Variants in SP4 observed in about 807,000 individuals in gnomAD.
SP4 encodes the protein Sp4 transcription factor, also known as transcription factor Sp4.
In SP4, 19 loss-of-function variants were observed where a neutral mutation model predicts 72.8. The ratio of observed to expected loss-of-function variants is 0.26; its 90% CI spans 0.18 to 0.38. The LOEUF (loss-of-function observed/expected upper bound fraction) is 0.38, where lower values mean the gene tolerates loss of function less well. Ranked by LOEUF, SP4 falls within the 10% of genes least tolerant of loss-of-function variation. SP4 has a pLI of 1.00. For synonymous variants in SP4, 395 were observed against 333.1 expected, an observed-to-expected ratio of 1.19 and a Z score of -2.02; for missense variants, 1,008 against 926.3, an observed-to-expected ratio of 1.09 and a Z score of -1.14.
At chr7:21,428,646 C>CGT (rs766823627) in intron 1 of SP4, 31 bp from the exon 2 acceptor site, 31 of 1,510,884 alleles carry the variant, frequency 2.1e-5, no homozygotes, top group South Asian at 4.9e-5. Flanking sequence ...AACCTGTTGT[C>CGT]GTGTGTGTGT....
chr7:21,511,554 A>C lies in SP4; in HGVS notation c.*285A>C. The C allele has an allele frequency of 3.3e-6, 1 of 304,648 alleles. No individual in the cohort carries two copies. The highest frequency in any genetic ancestry group is 6.1e-6 in the Non-Finnish European group (1 of 162,980). 18.9% of individuals were successfully genotyped at this position (304,648 alleles called of 1,614,324 possible). Reference sequence around the variant, plus strand: ...TTATACAGAATCTTCCCATCTCTTAATATCATGTGTTAACATGTTTAAAAA... The same window carrying C: ...TTATACAGAATCTTCCCATCTCTTACTATCATGTGTTAACATGTTTAAAAA... On this transcript the variant is annotated 3_prime_UTR_variant, in exon 6 of 6. Coordinates refer to ENST00000222584, the MANE Select transcript of SP4 (RefSeq NM_003112.5).
At chr7:21,472,842 G>A (rs940481281) in intron 3 of SP4, among the ~76,000 whole-genome samples, 1 of 152,010 alleles carries the variant, frequency 6.6e-6, no homozygotes, top group Non-Finnish European at 1.5e-5. Context: ...TTTCTGAAAT[G>A]TAGGAAGTTA....
chr7:21,470,025 C>T (rs867463599), intron 3 of SP4, among the ~76,000 whole-genome samples: 1 of 152,084 alleles, frequency 6.6e-6, no homozygotes, highest in Non-Finnish European at 1.5e-5. Flanking sequence ...GATCTGACTG[C>T]CATATCAGTG....
rs1782201961 is a variant in SP4, at chr7:21,513,682, A to G, written c.*2413A>G. 1 of 152,224 alleles carries G rather than the reference A, an allele frequency of 6.6e-6. No individual in the cohort carries two copies. Among genetic ancestry groups the G allele is most frequent in the Non-Finnish European group, 1.5e-5 (1 of 68,022 alleles). 9.4% of individuals were successfully genotyped at this position (152,224 alleles called of 1,614,324 possible). ...ATACCAAGTATGAACACTCTGCATC[A>G]TTATTCCATGAACCAGTTCTAATGC... On this transcript the variant is annotated 3_prime_UTR_variant, in exon 6 of 6. Transcript: ENST00000222584.
At chr7:21,438,046 C>T (rs1228088386) in intron 3 of SP4, among the ~76,000 whole-genome samples, 1 of 148,866 alleles carries the variant, frequency 6.7e-6, no homozygotes, top group African/African-American at 2.5e-5. Context: ...TTTTGTTTGG[C>T]CCTGGAAAAA....
chr7:21,429,570 A>T lies in SP4; in HGVS notation c.405A>T (p.Ala135=). The change falls in exon 3 of 6, where the codon GCA becomes GCT. Residue 135 remains alanine (A), a synonymous_variant. Transcript: ENST00000222584. ...CTTCCAGCAGTAATAACGGGAGTGC[A>T]TCTCCTACAAAAACTAAATCAGGTA... ...SSSSSSNNGS[A]SPTKTKSGNS... is the part of the protein sequence containing the mutation. 6.2e-7 allele frequency: 1 copy of T among 1,614,204 alleles called. No homozygotes were observed. The highest frequency in any genetic ancestry group is 8.5e-7 in the Non-Finnish European group (1 of 1,180,024).
chr7:21,447,849 A>G (rs550307696), intron 3 of SP4, among the ~76,000 whole-genome samples: 1 of 152,236 alleles, frequency 6.6e-6, no homozygotes, highest in South Asian at 2.1e-4. Flanking sequence ...ACACCCGGCT[A>G]ATTTTTGTAT....
chr7:21,487,229 A>G (rs1403630508), intron 5 of SP4, among the ~76,000 whole-genome samples: 3 of 151,916 alleles, frequency 2.0e-5, no homozygotes, highest in South Asian at 4.2e-4. Context: ...TTTTAACGCT[A>G]AGGGCGCCTT....
chr7:21,477,344 G>T, intron 4 of SP4, 37 bp downstream of exon 4: 1 of 1,405,186 alleles, frequency 7.1e-7, no homozygotes, highest in Middle Eastern at 1.8e-4. Flanking sequence ...CTATTTGGAA[G>T]GCATAAAACA....
chr7:21,509,454 GTTATAGAAATA>G (rs1239286547), intron 5 of SP4, among the ~76,000 whole-genome samples: 4 of 136,160 alleles, frequency 2.9e-5, no homozygotes, highest in African/African-American at 1.1e-4. Context: ...CAAACTCTAG[GTTATAGAAATA>G]TTTTCCTTTT....
chr7:21,477,271 C>T lies in SP4; in HGVS notation c.1871C>T (p.Ala624Val). 1.2e-6 allele frequency: 2 copies of T among 1,613,794 alleles called. No individual in the cohort carries two copies. The highest frequency in any genetic ancestry group is 8.5e-7 in the Non-Finnish European group (1 of 1,179,748). Reference sequence around the variant, plus strand: ...CCTGGCAAGAGGCTTCGAAGAGTTGCCTGTTCCTGTCCTAATTGTAGGGAA... The same window carrying T: ...CCTGGCAAGAGGCTTCGAAGAGTTGTCTGTTCCTGTCCTAATTGTAGGGAA... ...VQPGKRLRRVACSCPNCREGE... is the reference protein window; with the variant it reads ...VQPGKRLRRVVCSCPNCREGE... The change falls in exon 4 of 6, where the codon GCC becomes GTC. Residue 624 changes from alanine (A) to valine (V), a missense_variant. Ala to Val is a moderately conservative substitution (Grantham distance 64). Coordinates refer to ENST00000222584, the MANE Select transcript of SP4 (RefSeq NM_003112.5).
intron 3 of SP4, among the ~76,000 whole-genome samples, chr7:21,435,229 T>G (rs1783009873): frequency 6.6e-6 from 1 of 152,172 alleles, no homozygotes; most frequent in South Asian, 2.1e-4. Flanking sequence ...TTATGCTGGT[T>G]CTCCCACAGA....
rs924309234 is a variant in SP4 at position 21,428,820 on chromosome 7, A to G, written c.123+28A>G. ...AAAAGCAAACAAATTAAAAAAATTCATCACGACACATTAGGAGAGAGAGGG... is the reference window on the plus strand; with the variant it reads ...AAAAGCAAACAAATTAAAAAAATTCGTCACGACACATTAGGAGAGAGAGGG... On this transcript the variant is annotated intron_variant, in intron 2 of 5. Transcript: ENST00000222584. The G allele has an allele frequency of 9.9e-6, 15 of 1,513,520 alleles. No individual in the cohort carries two copies. The African/African-American group carries it at 2.0e-4, about 20-fold the overall frequency. 93.8% of individuals were successfully genotyped at this position (1,513,520 alleles called of 1,614,324 possible). A position where few individuals can be genotyped will look rare whatever the true frequency, so the allele number is the denominator to read the frequency against.
intron 2 of SP4, 37 bp from the exon 3 acceptor site, chr7:21,429,252 C>G: frequency 3.6e-4 from 22 of 60,858 alleles, no homozygotes; most frequent in Non-Finnish European, 5.3e-4. Context: ...CACTTTTTTT[C>G]CCCCCCCCCT....
chr7:21,442,447 T>C (rs1262267081), intron 3 of SP4, among the ~76,000 whole-genome samples: 6 of 152,240 alleles, frequency 3.9e-5, no homozygotes, highest in South Asian at 2.1e-4. Flanking sequence ...TTAGACTCAA[T>C]AGTACATGAT....
At chr7:21,483,385 T>G (rs1258674684) in intron 5 of SP4, among the ~76,000 whole-genome samples, 1 of 151,942 alleles carries the variant, frequency 6.6e-6, no homozygotes, top group African/African-American at 2.4e-5. Context: ...TTTTATTTAG[T>G]CAAATATAAA....
rs1190648027 is a variant in SP4, at chr7:21,429,471, G to T, written c.306G>T (p.Trp102Cys). 5.6e-6 allele frequency: 9 copies of T among 1,614,188 alleles called. No individual in the cohort carries two copies. The highest frequency in any genetic ancestry group is 7.6e-6 in the Non-Finnish European group (9 of 1,180,042). ...CAACGCAACTTGCTGGAAACGCTTG[G>T]CAACTTGTTGCCTCCACTCCTCCTG... ...LVTTQLAGNA[W>C]QLVASTPPAS... The change falls in exon 3 of 6, where the codon TGG (tryptophan) becomes TGT (cysteine). Residue 102 changes from tryptophan to cysteine, a missense_variant. By Grantham distance (215) the Trp-to-Cys change is radical. Around this residue, in one of 3 missense-constraint regions of SP4, gnomAD observed 893 missense variants for 743.3 expected, o/e 1.20. Coordinates refer to ENST00000222584, the MANE Select transcript of SP4 (RefSeq NM_003112.5).
At chr7:21,428,309 T>TCCCTCCCC in intron 1 of SP4, 51 bp downstream of exon 1, 1 of 987,474 alleles carries the variant, frequency 1.0e-6, no homozygotes, top group East Asian at 2.7e-5. Context: ...CCTCTCTCCC[T>TCCCTCCCC]CCCTCCCCAG....
chr7:21,430,677 C>T lies in SP4; in HGVS notation c.1512C>T (p.Gly504=), dbSNP rs759909708. The T allele has an allele frequency of 1.9e-6, 3 of 1,614,096 alleles. No homozygotes were observed. The African/African-American group carries it at 4.0e-5, about 22-fold the overall frequency. The stretch of plus-strand genomic sequence containing the variant: ...TCACCCCAGTGTCTTCAAGTGGTGG[C>T]ACAACTCTTGCTCAGATTGCTCCTG... ...LTITPVSSSG[G]TTLAQIAPVA... The change falls in exon 3 of 6, where the codon GGC becomes GGT. Residue 504 remains glycine (G), a synonymous_variant. Transcript: ENST00000222584.
Sources: gnomAD v4.1 joint callset for allele counts (sites outside exome capture counted in the v4.1 genomes callset) on GRCh38, gnomAD v4.1.1 for gene constraint, gnomAD v4.1.1 regional missense constraint, MANE v1.5 for transcripts, NCBI Gene and HGNC (gene_info 2026-07-23, HGNC 2026-07-21) for gene names.